TXLNG: variants seen among roughly 807,000 people sequenced by gnomAD.
TXLNG encodes the protein taxilin gamma.
TXLNG carries 5 observed loss-of-function variants against 38.8 expected under a neutral mutation model. That is an observed-to-expected ratio of 0.13 (90% confidence interval 0.07 to 0.27). The LOEUF (loss-of-function observed/expected upper bound fraction) is 0.27. TXLNG is among the 10% of genes least tolerant of loss of function. The pLI is 1.00. For missense variants in TXLNG, 393 were observed against 398.2 expected (o/e 0.99, Z 0.11); for synonymous variants, 182 against 158.2 (o/e 1.15, Z -1.13).
chrX:16,800,815 C>T (rs1928059898), intron 1 of TXLNG, among the ~76,000 whole-genome samples: 1 of 111,458 alleles, frequency 9.0e-6, no homozygotes, highest in Admixed American at 9.6e-5. Context: ...AGACCTGATA[C>T]GGTTTGGATC....
At chrX:16,841,234 CCT>C (rs1395981758) in intron 9 of TXLNG, among the ~76,000 whole-genome samples, 192 bp from the exon 10 acceptor site, 3 of 110,831 alleles carry the variant, frequency 2.7e-5, no homozygotes, top group South Asian at 3.8e-4. Context: ...ATTTTGTCCC[CCT>C]GAAACAATAT....
At chrX:16,829,831 A>T (rs1187941618) in intron 5 of TXLNG, 61 bp downstream of exon 5, 2 of 1,103,222 alleles carry the variant, frequency 1.8e-6, no homozygotes, top group African/African-American at 3.7e-5. Context: ...CACCATTCAT[A>T]CCTAAAGTAA....
chrX:16,840,708 G>C (rs1028417927), intron 9 of TXLNG, among the ~76,000 whole-genome samples: 17 of 111,414 alleles, frequency 1.5e-4, no homozygotes, highest in Non-Finnish European at 2.5e-4. Context: ...GGAGGCGGAG[G>C]TTGCAGTGAG....
At chrX:16,820,976 A>G (rs912644573) in intron 3 of TXLNG, among the ~76,000 whole-genome samples, 16 of 108,284 alleles carry the variant, frequency 1.5e-4, no homozygotes, top group African/African-American at 3.7e-4. Context: ...TCACCGTGTT[A>G]GCCAGGATGG....
Position 16,842,996 on chromosome X carries a change from A to G in TXLNG, c.*1230A>G, listed in dbSNP as rs1350202559. 1 of 112,394 alleles carries G rather than the reference A, an allele frequency of 8.9e-6. No individual in the cohort carries two copies. Among genetic ancestry groups the G allele is most frequent in the East Asian group, 2.8e-4 (1 of 3,602 alleles). 9.3% of individuals were successfully genotyped at this position (112,394 alleles called of 1,213,427 possible). On this transcript the variant is annotated 3_prime_UTR_variant, in exon 10 of 10. Transcript: ENST00000380122. ...TTGAAATTAAGCACATAACTTTTGAATTAGTTCTTTGTTTCAATGTTGAAT... is the reference window on the plus strand; with the variant it reads ...TTGAAATTAAGCACATAACTTTTGAGTTAGTTCTTTGTTTCAATGTTGAAT...
intron 9 of TXLNG, chrX:16,840,627 C>T (rs1929764025): frequency 6.1e-6 from 1 of 165,177 alleles, no homozygotes; most frequent in African/African-American, 3.2e-5. Flanking sequence ...CAAAAATCAG[C>T]TGGGCGTAGT....
At chrX:16,800,660 G>A (rs1448569553) in intron 1 of TXLNG, among the ~76,000 whole-genome samples, 1 of 109,154 alleles carries the variant, frequency 9.2e-6, no homozygotes, top group African/African-American at 3.3e-5. Flanking sequence ...TGCCTCCCGG[G>A]TTTAAGCGAT....
At chrX:16,836,155 G>T (rs1929584589) in intron 7 of TXLNG, among the ~76,000 whole-genome samples, 1 of 111,992 alleles carries the variant, frequency 8.9e-6, no homozygotes, top group African/African-American at 3.2e-5. Flanking sequence ...CTATTCAGGA[G>T]GCTGAGATGG....
chrX:16,815,561 A>G (rs1440522193), intron 1 of TXLNG, among the ~76,000 whole-genome samples: 1 of 105,374 alleles, frequency 9.5e-6, no homozygotes, highest in Non-Finnish European at 2.0e-5. Context: ...TCGCTCTGTC[A>G]CCCAGGCTGG....
intron 1 of TXLNG, among the ~76,000 whole-genome samples, chrX:16,793,915 C>T (rs1448702064): frequency 8.9e-6 from 1 of 111,747 alleles, no homozygotes; most frequent in African/African-American, 3.3e-5. Flanking sequence ...TCCCAAACTG[C>T]TGGGATTACA....
At chrX:16,793,109 A>G (rs1777914376) in intron 1 of TXLNG, among the ~76,000 whole-genome samples, 1 of 109,718 alleles carries the variant, frequency 9.1e-6, no homozygotes, top group Non-Finnish European at 1.9e-5. Flanking sequence ...AAAAAAAAAA[A>G]AAAGTATACA....
intron 1 of TXLNG, among the ~76,000 whole-genome samples, chrX:16,816,868 C>G (rs1196911438): frequency 8.9e-6 from 1 of 111,877 alleles, no homozygotes; most frequent in African/African-American, 3.2e-5. Flanking sequence ...GAAAAGTATA[C>G]AAATCATAAA....
At chrX:16,830,182 ATT>A (rs34247026) in intron 5 of TXLNG, among the ~76,000 whole-genome samples, 1 of 101,838 alleles carries the variant, frequency 9.8e-6, no homozygotes. Context: ...AATGTTTCAG[ATT>A]TTTTTTTTTT....
chrX:16,811,646 C>CT lies in TXLNG; in HGVS notation c.103-6914dup, dbSNP rs1211355941. The stretch of plus-strand genomic sequence containing the variant: ...TACAGGTGTGAGCCACCGTGGCCGG[C>CT]TTTTTTTTTTTTTTGAGACGGAGTC... On this transcript the variant is annotated intron_variant, in intron 1 of 9. Transcript: ENST00000380122. Among the ~76,000 whole-genome samples the CT allele has an allele frequency of 2.0e-3, 196 of 98,458 alleles. 1 individual carries two copies. Among genetic ancestry groups the CT allele is most frequent in the African/African-American group, 4.6e-3 (125 of 27,320 alleles). 85.5% of individuals were successfully genotyped at this position (98,458 alleles called of 115,157 possible).
At chrX:16,792,523 G>C (rs757339015) in intron 1 of TXLNG, among the ~76,000 whole-genome samples, 8 of 111,269 alleles carry the variant, frequency 7.2e-5, no homozygotes, top group Non-Finnish European at 1.9e-5. Context: ...GCTCATGCTT[G>C]TAATCCCAGT....
chrX:16,818,961 G>A (rs1032292847), intron 2 of TXLNG, 84 bp downstream of exon 2: 68 of 1,018,826 alleles, frequency 6.7e-5, no homozygotes, highest in Non-Finnish European at 8.5e-5. Flanking sequence ...TTTGAACACA[G>A]CCACTTTAGA....
intron 5 of TXLNG, among the ~76,000 whole-genome samples, chrX:16,832,394 A>G (rs190136208): frequency 2.1e-3 from 240 of 112,367 alleles, no homozygotes; most frequent in African/African-American, 7.5e-3. Context: ...GGAACAGGCA[A>G]CAGTCAAAGG....
At chrX:16,841,151 C>T (rs1280521484) in intron 9 of TXLNG, among the ~76,000 whole-genome samples, 4 of 109,279 alleles carry the variant, frequency 3.7e-5, no homozygotes, top group African/African-American at 1.0e-4. Flanking sequence ...GCCGAGATCA[C>T]GCCATTGCAC....
intron 4 of TXLNG, 140 bp downstream of exon 4, chrX:16,828,404 C>T (rs1929252646): frequency 1.7e-6 from 1 of 591,234 alleles, no homozygotes; most frequent in Non-Finnish European, 2.5e-6. Context: ...GGCCTGATGC[C>T]TTGTGTGAGG....
Sources: allele counts gnomAD v4.1 joint callset (sites outside exome capture counted in the v4.1 genomes callset), GRCh38; gene constraint gnomAD v4.1.1; transcripts MANE v1.5; gene names NCBI Gene and HGNC (gene_info 2026-07-23, HGNC 2026-07-21).